The following EBF1 variants were observed in gnomAD, a reference collection of about 807,000 sequenced individuals.
EBF1 encodes the protein transcription factor COE1.
EBF1 carries 10 observed loss-of-function variants against 68.4 expected under a neutral mutation model. That is an observed-to-expected ratio of 0.15 (90% CI 0.09 to 0.25). The LOEUF is 0.25. Ranked by LOEUF, EBF1 falls within the 10% of genes least tolerant of loss-of-function variation. The pLI is 1.00. For synonymous variants in EBF1, 298 were observed against 299.8 expected (o/e 0.99, Z 0.06); for missense variants, 509 against 794.4 (o/e 0.64, Z 4.32).
At chr5:158,774,098 T>A (rs1561885545) in intron 10 of EBF1, among the ~76,000 whole-genome samples, 1 of 152,202 alleles carries the variant, frequency 6.6e-6, no homozygotes, top group Non-Finnish European at 1.5e-5. Context: ...GCTTTTCTGC[T>A]TCTAATCCAG....
chr5:158,822,312 G>A (rs369540764), intron 8 of EBF1, among the ~76,000 whole-genome samples: 1 of 137,582 alleles, frequency 7.3e-6, no homozygotes, highest in African/African-American at 2.6e-5. Flanking sequence ...ATGGATGGAT[G>A]GATAGATGGA....
At chr5:158,776,822 A>C (rs1443763748) in intron 10 of EBF1, among the ~76,000 whole-genome samples, 1 of 152,146 alleles carries the variant, frequency 6.6e-6, no homozygotes, top group Non-Finnish European at 1.5e-5. Context: ...CAGCCTTTAT[A>C]CTTGATGTCA....
intron 3 of EBF1, 166 bp downstream of exon 3, chr5:159,096,177 T>A: frequency 1.5e-6 from 1 of 689,550 alleles, no homozygotes; most frequent in Non-Finnish European, 2.4e-6. Context: ...ACTAGGAGCC[T>A]CCTCAGGTGA....
At chr5:158,834,382 T>C (rs1342869181) in intron 7 of EBF1, among the ~76,000 whole-genome samples, 2 of 152,122 alleles carry the variant, frequency 1.3e-5, no homozygotes, top group Non-Finnish European at 2.9e-5. Context: ...GCTCCCCTTC[T>C]CTTTCCTCCA....
At chr5:158,846,683 A>G (rs570691417) in intron 6 of EBF1, among the ~76,000 whole-genome samples, 2 of 152,360 alleles carry the variant, frequency 1.3e-5, no homozygotes, top group South Asian at 2.1e-4. Flanking sequence ...ACACAGAAGT[A>G]GTTGTAGAGT....
intron 8 of EBF1, among the ~76,000 whole-genome samples, chr5:158,818,089 C>A (rs1784107070): frequency 6.6e-6 from 1 of 152,158 alleles, no homozygotes; most frequent in South Asian, 2.1e-4. Flanking sequence ...CCCCACCTGG[C>A]TCTCACTGGA....
At chr5:158,722,368 C>CT (rs1379263201) in intron 11 of EBF1, among the ~76,000 whole-genome samples, 2 of 152,198 alleles carry the variant, frequency 1.3e-5, no homozygotes, top group Non-Finnish European at 2.9e-5. Flanking sequence ...TTCTCTTTGT[C>CT]TTTTGGCTGT....
At chr5:158,852,376 G>T (rs943174973) in intron 6 of EBF1, among the ~76,000 whole-genome samples, 1 of 151,984 alleles carries the variant, frequency 6.6e-6, no homozygotes, top group African/African-American at 2.4e-5. Context: ...ATCTTCATGT[G>T]TTGCCTGTCA....
chr5:158,777,560 GA>G (rs760361960), intron 9 of EBF1, 21 bp from the exon 10 acceptor site: 26 of 1,575,246 alleles, frequency 1.7e-5, no homozygotes, highest in South Asian at 2.4e-5. Context: ...CATTTGGGGG[GA>G]AAAATTGTCA....
At chr5:159,097,931 G>GCACA (rs142473933) in intron 1 of EBF1, among the ~76,000 whole-genome samples, 52 of 151,438 alleles carry the variant, frequency 3.4e-4, no homozygotes, top group Non-Finnish European at 1.5e-5. Context: ...GCGCGCACAG[G>GCACA]CACACACACA....
rs976336480 is a variant in EBF1, at chr5:158,845,813, T to C, written c.555-5703A>G. Among the ~76,000 whole-genome samples the C allele has an allele frequency of 5.9e-5, 9 of 151,922 alleles. 1 individual carries two copies. The South Asian group carries it at 1.9e-3, about 32-fold the overall frequency. On this transcript the variant is annotated intron_variant, in intron 6 of 15. Transcript: ENST00000313708. ...TAAAGGAAAGGGGTAGTGCCTTAAA[T>C]CGTGGAGAACTCCAGCCAGTCAGAA... is the stretch of plus-strand genomic sequence containing the variant.
chr5:158,783,840 T>C (rs1213269811), intron 9 of EBF1, among the ~76,000 whole-genome samples: 3 of 152,082 alleles, frequency 2.0e-5, no homozygotes, highest in African/African-American at 7.2e-5. Context: ...GCTGTGCACG[T>C]AGAACTCCAA....
intron 6 of EBF1, among the ~76,000 whole-genome samples, chr5:159,023,532 A>G (rs1250639946): frequency 6.6e-6 from 1 of 152,196 alleles, no homozygotes; most frequent in Non-Finnish European, 1.5e-5. Flanking sequence ...ATCTCCAAGG[A>G]GTGAAGCCCT....
intron 6 of EBF1, among the ~76,000 whole-genome samples, chr5:158,988,741 C>T (rs751503673): frequency 6.6e-6 from 1 of 152,164 alleles, no homozygotes; most frequent in African/African-American, 2.4e-5. Flanking sequence ...AAGTGCATAG[C>T]CTGTTCAGGT....
chr5:158,965,135 T>C (rs1311589912), intron 6 of EBF1, among the ~76,000 whole-genome samples: 1 of 152,188 alleles, frequency 6.6e-6, no homozygotes, highest in Non-Finnish European at 1.5e-5. Context: ...CTCCCTTGCC[T>C]GGGAATAAGG....
At chr5:158,713,236 G>A in intron 12 of EBF1, 89 bp from the exon 13 acceptor site, 4 of 1,148,574 alleles carry the variant, frequency 3.5e-6, no homozygotes, top group Non-Finnish European at 4.5e-6. Context: ...CGTGCTCAGG[G>A]TTTTCAATGG....
intron 7 of EBF1, among the ~76,000 whole-genome samples, chr5:158,823,937 T>TAAA: frequency 6.7e-6 from 1 of 149,462 alleles, no homozygotes; most frequent in Non-Finnish European, 1.5e-5. Flanking sequence ...TGTTTCAAAT[T>TAAA]AAAAAAAAAA....
At chr5:159,049,904 C>T (rs1307042911) in intron 6 of EBF1, among the ~76,000 whole-genome samples, 10 of 152,178 alleles carry the variant, frequency 6.6e-5, no homozygotes, top group Admixed American at 5.2e-4. Context: ...TAACTCTCTC[C>T]GACACAGCAC....
At chr5:158,741,235 G>A (rs181638207) in intron 10 of EBF1, among the ~76,000 whole-genome samples, 7 of 152,118 alleles carry the variant, frequency 4.6e-5, no homozygotes, top group African/African-American at 1.4e-4. Context: ...TGTAACCACA[G>A]TAAATGCTGA....
Sources: gnomAD v4.1 joint callset for allele counts (sites outside exome capture counted in the v4.1 genomes callset) on GRCh38, gnomAD v4.1.1 for gene constraint, MANE v1.5 for transcripts, NCBI Gene and HGNC (gene_info 2026-07-23, HGNC 2026-07-21) for gene names.